The following SINHCAF variants were observed in gnomAD, a reference collection of about 807,000 sequenced individuals.
SINHCAF encodes the protein SIN3-HDAC complex-associated factor.
Under a neutral mutation model 25.8 loss-of-function variants are expected in SINHCAF, and 3 were observed. That is an observed-to-expected ratio of 0.12 (90% CI 0.05 to 0.30). The LOEUF (loss-of-function observed/expected upper bound fraction) is 0.30. SINHCAF is among the 10% of genes least tolerant of loss of function. SINHCAF has a pLI of 1.00. For missense variants in SINHCAF, 121 were observed against 262.3 expected (o/e 0.46, Z 3.72); for synonymous variants, 70 against 85.5 (o/e 0.82, Z 1.00).
At chr12:31,317,953 G>A (rs1939553207) in intron 1 of SINHCAF, among the ~76,000 whole-genome samples, 1 of 152,160 alleles carries the variant, frequency 6.6e-6, no homozygotes, top group African/African-American at 2.4e-5. Context: ...AGCCAAACTA[G>A]AAATCATGAT....
At chr12:31,285,418 T>TATATATAC (rs1555110957) in intron 5 of SINHCAF, among the ~76,000 whole-genome samples, 2 of 141,356 alleles carry the variant, frequency 1.4e-5, no homozygotes, top group African/African-American at 5.3e-5. Context: ...TATATATACA[T>TATATATAC]ACACACACAC....
At chr12:31,312,179 T>G in intron 1 of SINHCAF, 1 of 328,056 alleles carries the variant, frequency 3.0e-6, no homozygotes, top group Admixed American at 4.1e-5. Flanking sequence ...ACTCTTTCAG[T>G]CTGGCTTCTT....
chr12:31,322,798 T>C (rs1432900961), intron 1 of SINHCAF, among the ~76,000 whole-genome samples: 1 of 152,168 alleles, frequency 6.6e-6, no homozygotes, highest in Non-Finnish European at 1.5e-5. Context: ...ATGATTCAAA[T>C]GCAGGAGAAA....
chr12:31,324,924 C>CA lies in SINHCAF; in HGVS notation c.-21+1099dup. ...TCTGCTTTTTAAACTGGCAAGACGC[C>CA]ATCATCAGCAAACCACATTGTCCTG... On this transcript the variant is annotated intron_variant, in intron 1 of 5. Transcript: ENST00000337682. This position sits in a 1 kb window ranked among gnomAD's most constrained non-coding sequence, Gnocchi z 5.5. The CA allele has an allele frequency of 2.2e-6, 1 of 455,410 alleles. No individual in the cohort carries two copies. Among genetic ancestry groups the CA allele is most frequent in the Non-Finnish European group, 4.4e-6 (1 of 226,054 alleles). 28.2% of individuals were successfully genotyped at this position (455,410 alleles called of 1,614,324 possible). A position where few individuals can be genotyped will look rare whatever the true frequency, so the allele number is the denominator to read the frequency against.
intron 3 of SINHCAF, among the ~76,000 whole-genome samples, chr12:31,294,394 C>T (rs1347659228): frequency 6.6e-6 from 1 of 152,128 alleles, no homozygotes. Flanking sequence ...TGCCTTATTT[C>T]ACCAAGCGAG....
chr12:31,295,192 T>C lies in SINHCAF; in HGVS notation c.228+42A>G, dbSNP rs371157469. 7.7e-6 allele frequency: 9 copies of C among 1,165,410 alleles called. No individual in the cohort carries two copies. In the African/African-American group the frequency reaches 1.2e-4, roughly 16 times the overall value. The allele number at this position is 1,165,410 out of a possible 1,614,324, so 72.2% of individuals were successfully genotyped here. On this transcript the variant is annotated intron_variant, in intron 3 of 5. Transcript: ENST00000337682. ...AGGGGGAAATTAATGTTACTTTAAA[T>C]ACAGTAGAGGTATAATTGAGAAAAA...
rs1257854493 is a variant in SINHCAF, at chr12:31,282,622, C to CAA, written c.*88_*89dup. 4.5e-4 allele frequency: 474 copies of CAA among 1,048,906 alleles called. 5 individuals carry two copies. In the African/African-American group the frequency reaches 6.8e-3, roughly 15 times the overall value. The allele number at this position is 1,048,906 out of a possible 1,614,324, so 65.0% of individuals were successfully genotyped here. On this transcript the variant is annotated 3_prime_UTR_variant, in exon 6 of 6. Coordinates refer to ENST00000337682, the MANE Select transcript of SINHCAF (RefSeq NM_001135812.2). ...GGGTAACAAGAGCAAAACTCCGTCT[C>CAA]AAAAAAAAAAGAGGGTCAGTTTGTA...
intron 1 of SINHCAF, among the ~76,000 whole-genome samples, chr12:31,316,405 T>C (rs574052501): frequency 8.9e-4 from 135 of 152,304 alleles, no homozygotes; most frequent in Middle Eastern, 3.4e-3. Flanking sequence ...ACTTTAAAGC[T>C]GTGGGTTTCA....
chr12:31,293,528 C>A lies in SINHCAF; in HGVS notation c.355+277G>T, dbSNP rs144178192. 1.2e-3 allele frequency among the ~76,000 whole-genome samples: 184 copies of A among 152,242 alleles called. 1 individual carries two copies. The highest frequency in any genetic ancestry group is 3.4e-3 in the Middle Eastern group (1 of 294). On this transcript the variant is annotated intron_variant, in intron 4 of 5. Coordinates refer to ENST00000337682, the MANE Select transcript of SINHCAF (RefSeq NM_001135812.2). ...ATCAAGTAAATGAGCTAGAAATGCA[C>A]CTTCTAGAAAATTAAGATGTCAATA...
intron 1 of SINHCAF, among the ~76,000 whole-genome samples, chr12:31,314,954 G>A (rs1939439842): frequency 6.6e-6 from 1 of 152,212 alleles, no homozygotes; most frequent in South Asian, 2.1e-4. Flanking sequence ...AGGGGATTTA[G>A]TCGATTTAGA....
intron 1 of SINHCAF, chr12:31,302,845 A>C (rs1938864564): frequency 2.7e-6 from 2 of 753,152 alleles, no homozygotes; most frequent in South Asian, 6.0e-5. Flanking sequence ...CTGATACACA[A>C]GTTTACAACC....
intron 1 of SINHCAF, chr12:31,311,784 G>T: frequency 2.0e-6 from 1 of 497,254 alleles, no homozygotes; most frequent in South Asian, 1.7e-5. Flanking sequence ...CTAACCCAAA[G>T]ACTGTGGAAC....
chr12:31,301,685 T>C (rs1378850165), intron 1 of SINHCAF, among the ~76,000 whole-genome samples: 1 of 152,134 alleles, frequency 6.6e-6, no homozygotes, highest in Non-Finnish European at 1.5e-5. Context: ...ATTTCAAGGT[T>C]TGGGAAGCCC....
At chr12:31,293,095 G>T (rs1279434963) in intron 4 of SINHCAF, among the ~76,000 whole-genome samples, 1 of 152,126 alleles carries the variant, frequency 6.6e-6, no homozygotes, top group Non-Finnish European at 1.5e-5. Context: ...TGTGAATACT[G>T]CTACTTTTTG....
At chr12:31,296,998 G>T (rs767507015) in intron 2 of SINHCAF, 80 of 442,546 alleles carry the variant, frequency 1.8e-4, no homozygotes, top group Non-Finnish European at 5.5e-5. Flanking sequence ...TCACACCTGT[G>T]AATAGCTACT....
chr12:31,310,417 A>G (rs544138107), intron 1 of SINHCAF, among the ~76,000 whole-genome samples: 1 of 152,268 alleles, frequency 6.6e-6, no homozygotes, highest in South Asian at 2.1e-4. Flanking sequence ...GAGGAGTCCT[A>G]GTTTTCCAGT....
chr12:31,282,928 A>C, intron 5 of SINHCAF, 57 bp from the exon 6 acceptor site: 1 of 1,337,824 alleles, frequency 7.5e-7, no homozygotes, highest in South Asian at 1.4e-5. Context: ...TAGGAATACA[A>C]AAGAAATCTA....
intron 5 of SINHCAF, among the ~76,000 whole-genome samples, chr12:31,284,758 T>C (rs1435737387): frequency 6.6e-6 from 1 of 152,190 alleles, no homozygotes; most frequent in Admixed American, 6.5e-5. Flanking sequence ...ACAAGTGCTA[T>C]ATACATATGT....
chr12:31,314,892 A>G (rs1176658369), intron 1 of SINHCAF, among the ~76,000 whole-genome samples: 1 of 152,230 alleles, frequency 6.6e-6, no homozygotes, highest in Admixed American at 6.5e-5. Context: ...CAAGTACTGT[A>G]TATTAACCCA....
Sources: gnomAD v4.1 joint callset for allele counts (sites outside exome capture counted in the v4.1 genomes callset) on GRCh38, gnomAD v4.1.1 for gene constraint, Gnocchi (gnomAD v3.1) non-coding constraint, MANE v1.5 for transcripts, NCBI Gene and HGNC (gene_info 2026-07-23, HGNC 2026-07-21) for gene names.